PAK3: variants seen among roughly 807,000 people sequenced by gnomAD.
The protein encoded by PAK3 is p21 (RAC1) activated kinase 3.
Under a neutral mutation model 41.0 loss-of-function variants are expected in PAK3, and 4 were observed. That is an observed-to-expected ratio of 0.10 (90% confidence interval 0.05 to 0.22). The LOEUF (loss-of-function observed/expected upper bound fraction) is 0.22. Among genes scored for constraint, PAK3 ranks in the 10% least tolerant of loss-of-function variants. The probability of loss-of-function intolerance (pLI) is 1.00; values close to 1 mark genes in which losing one functional copy is unlikely to be tolerated. For synonymous variants in PAK3, 146 were observed against 139.6 expected (o/e 1.05, Z -0.32); for missense variants, 205 against 409.9 (o/e 0.50, Z 4.32).
intron 1 of PAK3, among the ~76,000 whole-genome samples, chrX:110,980,176 A>G (rs1157537272): frequency 8.9e-6 from 1 of 111,955 alleles, no homozygotes; most frequent in Non-Finnish European, 1.9e-5. Context: ...CCATGTTATT[A>G]AAGGGTTCCT....
At chrX:111,099,271 AC>A (rs985678522) in intron 3 of PAK3, among the ~76,000 whole-genome samples, 3 of 111,954 alleles carry the variant, frequency 2.7e-5, no homozygotes, top group Non-Finnish European at 5.6e-5. Flanking sequence ...ACACAGCCTA[AC>A]CGGGGGTTTA....
At chrX:111,093,185 G>C (rs1482588746), upstream of PAK3, among the ~76,000 whole-genome samples, 1 of 111,999 alleles carries the variant, frequency 8.9e-6, no homozygotes. Flanking sequence ...ATAGAACTGA[G>C]AATTGGAGAC....
At chrX:111,217,474 G>T in intron 17 of PAK3, 2 of 937,719 alleles carry the variant, frequency 2.1e-6, no homozygotes, top group Non-Finnish European at 2.8e-6. Context: ...GTTATACAGC[G>T]CATTAACCAC....
intron 1 of PAK3, among the ~76,000 whole-genome samples, chrX:111,081,859 G>A (rs1460210067): frequency 9.0e-6 from 1 of 111,313 alleles, no homozygotes; most frequent in Non-Finnish European, 1.9e-5. Flanking sequence ...ATACCTGACT[G>A]TGAGTTTCTT....
chrX:110,994,592 C>A, intron 1 of PAK3, among the ~76,000 whole-genome samples: 1 of 111,944 alleles, frequency 8.9e-6, no homozygotes, highest in East Asian at 2.8e-4. Context: ...CCTCCTTTTT[C>A]ATGTTCACAC....
chrX:111,152,193 C>G (rs868822430), intron 7 of PAK3, among the ~76,000 whole-genome samples: 7 of 112,085 alleles, frequency 6.2e-5, no homozygotes, highest in Middle Eastern at 4.6e-3. Context: ...TCATTAATAT[C>G]TGCAAAATGA....
chrX:111,170,994 T>C (rs1025517336), intron 10 of PAK3, among the ~76,000 whole-genome samples: 2 of 110,846 alleles, frequency 1.8e-5, no homozygotes, highest in African/African-American at 6.5e-5. Context: ...ATCACTCTGA[T>C]ATAGGGTTAT....
intron 6 of PAK3, 93 bp from the exon 7 acceptor site, chrX:111,147,644 G>A (rs1163666632): frequency 1.3e-5 from 8 of 624,177 alleles, no homozygotes; most frequent in Middle Eastern, 6.5e-4. Flanking sequence ...CCTACAGGTA[G>A]CATGGGCTTC....
chrX:111,194,450 A>C, intron 14 of PAK3, 32 bp downstream of exon 14: 1 of 761,687 alleles, frequency 1.3e-6, no homozygotes, highest in Non-Finnish European at 2.1e-6. Context: ...AGCTGAGAAG[A>C]CCACCGAAAT....
intron 14 of PAK3, among the ~76,000 whole-genome samples, chrX:111,195,553 T>C (rs1185058395): frequency 8.9e-6 from 1 of 112,090 alleles, no homozygotes; most frequent in Non-Finnish European, 1.9e-5. Flanking sequence ...TGGGCCAAAG[T>C]ATATTAATTG....
In PAK3 at chrX:111,153,973, G is replaced by A. The variant is rs770047528; in HGVS notation, c.468+1526G>A. ...GAATATTATTAAGCCTTAAAAAGAA[G>A]ACAATTCTGACACGTTACAACATGG... On this transcript the variant is annotated intron_variant, in intron 8 of 17. Transcript: ENST00000372007. 4.5e-5 allele frequency among the ~76,000 whole-genome samples: 5 copies of A among 111,815 alleles called. No individual in the cohort carries two copies. The East Asian group carries it at 1.1e-3, about 25-fold the overall frequency.
intron 1 of PAK3, among the ~76,000 whole-genome samples, chrX:111,022,568 A>G (rs1788019549): frequency 8.9e-6 from 1 of 111,741 alleles, no homozygotes; most frequent in African/African-American, 3.3e-5. Context: ...ACAACAAAAT[A>G]GAACCTCCTT....
chrX:111,109,650 T>C (rs1409967512), intron 4 of PAK3, among the ~76,000 whole-genome samples: 2 of 111,663 alleles, frequency 1.8e-5, no homozygotes, highest in Non-Finnish European at 3.8e-5. Context: ...GTGGGGGTGG[T>C]GAGTAGAAGA....
intron 10 of PAK3, among the ~76,000 whole-genome samples, chrX:111,167,627 G>T (rs2094276109): frequency 9.4e-6 from 1 of 106,941 alleles, no homozygotes; most frequent in Non-Finnish European, 1.9e-5. Context: ...AACAAGAACA[G>T]AAAACCAAAC....
At chrX:111,085,141 T>C (rs1013059540) in intron 1 of PAK3, among the ~76,000 whole-genome samples, 2 of 112,350 alleles carry the variant, frequency 1.8e-5, no homozygotes, top group Admixed American at 9.4e-5. Flanking sequence ...AAAAACAAGA[T>C]AATTTGATTG....
At chrX:111,178,404 AAAAG>A (rs1396621971) in intron 11 of PAK3, among the ~76,000 whole-genome samples, 7 of 111,868 alleles carry the variant, frequency 6.3e-5, no homozygotes, top group African/African-American at 2.3e-4. Context: ...AACTTGAAGA[AAAAG>A]AAAGAGACAG....
upstream of PAK3, among the ~76,000 whole-genome samples, chrX:111,096,030 C>T (rs550692600): frequency 1.3e-4 from 15 of 111,706 alleles, no homozygotes; most frequent in East Asian, 3.1e-3. Context: ...TTTTCCCCCT[C>T]CCAGGCGCTT....
chrX:110,968,227 A>T lies in PAK3; in HGVS notation c.-28+23599A>T, dbSNP rs930886226. Among the ~76,000 whole-genome samples the T allele has an allele frequency of 6.2e-5, 7 of 112,342 alleles. No individual in the cohort carries two copies. The East Asian group carries it at 1.9e-3, about 31-fold the overall frequency. On this transcript the variant is annotated intron_variant, in intron 1 of 14. Coordinates refer to the PAK3 transcript ENST00000425146. ...TATACCAGAGTTTGTCTAACCATTC[A>T]CCAATTGCAGGACATTTTTGCTGCT... is the stretch of plus-strand genomic sequence containing the variant.
At chrX:111,006,852 T>TCTTTC (rs1265819390) in intron 1 of PAK3, among the ~76,000 whole-genome samples, 4 of 84,627 alleles carry the variant, frequency 4.7e-5, no homozygotes, top group African/African-American at 8.2e-5. Flanking sequence ...TTTCTTTCTT[T>TCTTTC]TTTTTTTTTT....
Sources: allele counts gnomAD v4.1 joint callset (sites outside exome capture counted in the v4.1 genomes callset), GRCh38; gene constraint gnomAD v4.1.1; transcripts MANE v1.5; gene names NCBI Gene and HGNC (gene_info 2026-07-23, HGNC 2026-07-21).